The following SORCS1 variants were observed in gnomAD, a reference collection of about 807,000 sequenced individuals.
SORCS1 encodes VPS10 domain-containing receptor SorCS1.
Under a neutral mutation model 146.1 loss-of-function variants are expected in SORCS1, and 60 were observed. The ratio of observed to expected loss-of-function variants is 0.41; its 90% CI spans 0.33 to 0.51. The LOEUF (loss-of-function observed/expected upper bound fraction) is 0.51. SORCS1 is among the 20% of genes least tolerant of loss of function. SORCS1 has a pLI of 0.21. For missense variants in SORCS1, 1,352 were observed against 1,487.6 expected (o/e 0.91, Z 1.50); for synonymous variants, 637 against 584.0 (o/e 1.09, Z -1.31).
intron 1 of SORCS1, among the ~76,000 whole-genome samples, chr10:107,124,483 G>A (rs1280783965): frequency 6.6e-6 from 1 of 152,016 alleles, no homozygotes; most frequent in Non-Finnish European, 1.5e-5. Flanking sequence ...CTCCCAAACC[G>A]GTGACTATGA....
At chr10:106,658,011 T>C (rs1405448470) in intron 17 of SORCS1, among the ~76,000 whole-genome samples, 1 of 152,208 alleles carries the variant, frequency 6.6e-6, no homozygotes, top group Non-Finnish European at 1.5e-5. Context: ...CTTGCTATGA[T>C]ATTTCAAGTT....
chr10:107,141,134 A>C (rs1270665413), intron 1 of SORCS1, among the ~76,000 whole-genome samples: 1 of 152,170 alleles, frequency 6.6e-6, no homozygotes, highest in African/African-American at 2.4e-5. Flanking sequence ...CATGTTAACT[A>C]CACTCAGTTA....
At chr10:107,081,921 G>A (rs151337175) in intron 1 of SORCS1, among the ~76,000 whole-genome samples, 23 of 152,128 alleles carry the variant, frequency 1.5e-4, no homozygotes, top group Admixed American at 5.9e-4. Context: ...TTTGTCTTTG[G>A]ACTCACAGCA....
At chr10:107,163,389 C>T (rs897157121) in intron 1 of SORCS1, among the ~76,000 whole-genome samples, 23 of 152,268 alleles carry the variant, frequency 1.5e-4, no homozygotes, top group African/African-American at 4.8e-4. Context: ...AGAGTTCCTG[C>T]CCTGAAACTT....
chr10:107,118,627 T>A (rs1419289434), intron 1 of SORCS1, among the ~76,000 whole-genome samples: 1 of 152,204 alleles, frequency 6.6e-6, no homozygotes, highest in Non-Finnish European at 1.5e-5. Flanking sequence ...GATGGGTGAC[T>A]ATACAGATGA....
At chr10:107,045,354 T>G (rs1959278230) in intron 1 of SORCS1, among the ~76,000 whole-genome samples, 1 of 152,176 alleles carries the variant, frequency 6.6e-6, no homozygotes, top group Non-Finnish European at 1.5e-5. Context: ...CTAAATTTGC[T>G]GCAAATAGGA....
At chr10:106,791,277 GTAAT>G (rs1946307446) in intron 3 of SORCS1, among the ~76,000 whole-genome samples, 1 of 152,252 alleles carries the variant, frequency 6.6e-6, no homozygotes, top group East Asian at 1.9e-4. Flanking sequence ...ATGCCACTAT[GTAAT>G]TAATCTCTTA....
chr10:106,952,498 T>G (rs1954731430), intron 2 of SORCS1, among the ~76,000 whole-genome samples: 1 of 151,072 alleles, frequency 6.6e-6, no homozygotes, highest in African/African-American at 2.4e-5. Flanking sequence ...ACGGGCACTG[T>G]GAGCTGTTCA....
intron 1 of SORCS1, among the ~76,000 whole-genome samples, chr10:107,062,537 T>G (rs1440044028): frequency 6.6e-6 from 1 of 152,112 alleles, no homozygotes; most frequent in Non-Finnish European, 1.5e-5. Flanking sequence ...AAGCTAGAAC[T>G]CTTGATCACC....
At chr10:106,765,125 A>C (rs1859465833) in intron 4 of SORCS1, among the ~76,000 whole-genome samples, 1 of 152,176 alleles carries the variant, frequency 6.6e-6, no homozygotes, top group Non-Finnish European at 1.5e-5. Flanking sequence ...ATGTTAGAGA[A>C]CAGGGAAAGA....
Position 106,574,756 on chromosome 10 carries a change from G to T in SORCS1, c.*2664C>A, listed in dbSNP as rs1844507155. The stretch of plus-strand genomic sequence containing the variant: ...TGGCCAAGGTCCTAAGAACAATGAG[G>T]TCCTCCTCTCTGAGCAGCACCTTGC... On this transcript the variant is annotated 3_prime_UTR_variant, in exon 26 of 26. Transcript: ENST00000263054. 6.6e-6 allele frequency: 1 copy of T among 152,288 alleles called. No individual in the cohort carries two copies. The highest frequency in any genetic ancestry group is 1.5e-5 in the Non-Finnish European group (1 of 68,052). 9.4% of individuals were successfully genotyped at this position (152,288 alleles called of 1,614,324 possible).
At position 107,041,149 on chromosome 10, in the gene SORCS1, G is replaced by A. The variant is rs1054635161; in HGVS notation, c.559-84569C>T. ...AAGCAGGAAGAAAAATGCAAGTTCA[G>A]AACAAATGTGTAATAGGAAATAATT... On this transcript the variant is annotated intron_variant, in intron 1 of 25. Transcript: ENST00000263054. Among the ~76,000 whole-genome samples, 7 of 151,990 alleles carry A rather than the reference G, an allele frequency of 4.6e-5. 1 individual carries two copies. The highest frequency in any genetic ancestry group is 8.8e-5 in the Non-Finnish European group (6 of 67,990).
At chr10:107,099,498 A>T (rs1964772176) in intron 1 of SORCS1, among the ~76,000 whole-genome samples, 2 of 152,216 alleles carry the variant, frequency 1.3e-5, no homozygotes, top group Admixed American at 1.3e-4. Context: ...AATTTAAATT[A>T]AGTCAAATTA....
chr10:107,080,309 C>T (rs142368998), intron 1 of SORCS1, among the ~76,000 whole-genome samples: 32 of 152,308 alleles, frequency 2.1e-4, no homozygotes, highest in African/African-American at 7.7e-4. Context: ...CATTAAATCT[C>T]TCCCAGAAAT....
At chr10:107,175,328 T>C in the SORCS1 span, among the ~76,000 whole-genome samples, 1 of 152,250 alleles carries the variant, frequency 6.6e-6, no homozygotes, top group Non-Finnish European at 1.5e-5. Flanking sequence ...GTAAGATTAG[T>C]GTTATTTCTT....
At chr10:107,090,903 G>T (rs1037048697) in intron 1 of SORCS1, among the ~76,000 whole-genome samples, 1 of 147,060 alleles carries the variant, frequency 6.8e-6, no homozygotes. Flanking sequence ...AATACAGCCA[G>T]GTATCTATTC....
intron 5 of SORCS1, among the ~76,000 whole-genome samples, chr10:106,740,447 C>G (rs1234003329): frequency 6.6e-6 from 1 of 151,994 alleles, no homozygotes; most frequent in Non-Finnish European, 1.5e-5. Context: ...AGGTGTAGTT[C>G]TAGACATTAG....
chr10:106,923,515 GT>G (rs1952828679), intron 2 of SORCS1, among the ~76,000 whole-genome samples: 1 of 152,170 alleles, frequency 6.6e-6, no homozygotes, highest in Non-Finnish European at 1.5e-5. Context: ...GTAAGATTAT[GT>G]TTAGTTTTAT....
chr10:106,923,283 T>C (rs1265035441), intron 2 of SORCS1, among the ~76,000 whole-genome samples: 1 of 152,240 alleles, frequency 6.6e-6, no homozygotes. Flanking sequence ...AGATTGGCTC[T>C]TTTGCTTAGT....
Sources: allele counts gnomAD v4.1 joint callset (sites outside exome capture counted in the v4.1 genomes callset), GRCh38; gene constraint gnomAD v4.1.1; transcripts MANE v1.5; gene names NCBI Gene and HGNC (gene_info 2026-07-23, HGNC 2026-07-21).